Variants in SNX2 observed in about 807,000 individuals in gnomAD.
The protein encoded by SNX2 is sorting nexin 2, also known as sorting nexin-2.
Under a neutral mutation model 69.9 loss-of-function variants are expected in SNX2, and 25 were observed. The observed-to-expected ratio is 0.36, with a 90% CI of 0.26 to 0.50. The LOEUF is 0.50. Ranked by LOEUF, SNX2 falls within the 20% of genes least tolerant of loss-of-function variation. SNX2 has a pLI of 0.97. For missense variants in SNX2, 551 were observed against 613.3 expected (o/e 0.90, Z 1.07); for synonymous variants, 229 against 200.4 (o/e 1.14, Z -1.20).
At position 122,810,398 on chromosome 5, in the gene SNX2, T is replaced by TAAAAAAA. The variant is rs1561464624; in HGVS notation, c.722+2043_722+2044insAAAAAAA. Among the ~76,000 whole-genome samples the TAAAAAAA allele has an allele frequency of 2.9e-3, 171 of 58,438 alleles. 3 individuals are homozygous for TAAAAAAA. The highest frequency in any genetic ancestry group is 4.5e-3 in the African/African-American group (49 of 10,894). The allele number at this position is 58,438 out of a possible 152,430, so 38.3% of individuals were successfully genotyped here. On this transcript the variant is annotated intron_variant, in intron 7 of 14. Transcript: ENST00000379516. ...GCGAGAAACACCCAAGAATGATCAA[T>TAAAAAAA]TAAAAAAAAAAAAAAAAAAAAAAGA...
chr5:122,809,955 G>A (rs1381424744), intron 7 of SNX2, among the ~76,000 whole-genome samples: 1 of 152,122 alleles, frequency 6.6e-6, no homozygotes, highest in Non-Finnish European at 1.5e-5. Context: ...TGTAGGAGAG[G>A]TCATAGACTG....
intron 2 of SNX2, among the ~76,000 whole-genome samples, chr5:122,796,446 T>C (rs1005427181): frequency 6.6e-6 from 1 of 150,574 alleles, no homozygotes; most frequent in Non-Finnish European, 1.5e-5. Context: ...AAATTAAAAA[T>C]ATGATACCAA....
chr5:122,779,036 C>T (rs902164692), intron 1 of SNX2, among the ~76,000 whole-genome samples: 1 of 151,944 alleles, frequency 6.6e-6, no homozygotes, highest in Non-Finnish European at 1.5e-5. Context: ...ATGGTGCAAC[C>T]CTAAGCTTAA....
In SNX2 at chr5:122,811,039, CTTAAACT is replaced by C. The variant is rs138188711; in HGVS notation, c.722+2691_722+2697del. 8.4e-3 allele frequency among the ~76,000 whole-genome samples: 1,274 copies of C among 152,254 alleles called. 10 individuals carry two copies. Among genetic ancestry groups the C allele is most frequent in the East Asian group, 0.059 (306 of 5,182 alleles). On this transcript the variant is annotated intron_variant, in intron 7 of 14. Transcript: ENST00000379516. ...CTAAAGTGATTTTTCTGTGATATTT[CTTAAACT>C]TTAAACATCAAACAGGTACCATCTG...
chr5:122,817,098 T>A, intron 9 of SNX2, 70 bp downstream of exon 9: 1 of 1,261,266 alleles, frequency 7.9e-7, no homozygotes, highest in South Asian at 1.2e-5. Context: ...TTTAAAGCTG[T>A]ACAAGTGGAA....
intron 11 of SNX2, among the ~76,000 whole-genome samples, chr5:122,819,779 A>G (rs1753973502): frequency 6.6e-6 from 1 of 152,170 alleles, no homozygotes; most frequent in African/African-American, 2.4e-5. Context: ...TTAAACATCT[A>G]GAAAGTTAAT....
At position 122,831,456 on chromosome 5, in the gene SNX2, C is replaced by T. The variant is rs1455057845; in HGVS notation, c.*1808C>T. Among the ~76,000 whole-genome samples the T allele has an allele frequency of 6.6e-6, 1 of 152,076 alleles. No homozygotes were observed. Among genetic ancestry groups the T allele is most frequent in the East Asian group, 1.9e-4 (1 of 5,184 alleles). ...CCTGTGAATACCCACTAACCTACAG[C>T]CAGCCTGGACAACATAGTGAGACCC... On this transcript the variant is annotated 3_prime_UTR_variant, in exon 15 of 15. Coordinates refer to ENST00000379516, the MANE Select transcript of SNX2 (RefSeq NM_003100.4).
At chr5:122,810,003 G>A (rs1306791917) in intron 7 of SNX2, among the ~76,000 whole-genome samples, 1 of 151,876 alleles carries the variant, frequency 6.6e-6, no homozygotes, top group Non-Finnish European at 1.5e-5. Flanking sequence ...GATGGTTGCC[G>A]GGTCTGTGTG....
chr5:122,817,737 CTT>C (rs1329513509), intron 10 of SNX2, among the ~76,000 whole-genome samples: 4 of 151,950 alleles, frequency 2.6e-5, no homozygotes, highest in East Asian at 1.9e-4. Context: ...CAATTAGTAA[CTT>C]TGATTATAAT....
Position 122,802,013 on chromosome 5 carries a change from A to G in SNX2, c.458-68A>G, listed in dbSNP as rs965821. 871,636 of 1,506,326 alleles carry G rather than the reference A, an allele frequency of 0.58. 255,320 individuals are homozygous for G. The highest frequency in any genetic ancestry group is 0.73 in the Admixed American group (43,455 of 59,678). 93.3% of individuals were successfully genotyped at this position (1,506,326 alleles called of 1,614,324 possible). On this transcript the variant is annotated intron_variant, in intron 4 of 14. Coordinates refer to ENST00000379516, the MANE Select transcript of SNX2 (RefSeq NM_003100.4). ...TTGTATGGTTTTTCTTCATACATCA[A>G]TATAGTATTAAATGAGTTTTATTTT... is the stretch of plus-strand genomic sequence containing the variant.
intron 6 of SNX2, chr5:122,804,007 C>T: frequency 6.5e-6 from 1 of 153,260 alleles, no homozygotes; most frequent in Non-Finnish European, 1.5e-5. Flanking sequence ...GGCATGGTGG[C>T]ACGTGCCTGT....
At chr5:122,827,265 C>A in intron 12 of SNX2, 114 bp from the exon 13 acceptor site, 1 of 792,688 alleles carries the variant, frequency 1.3e-6, no homozygotes, top group South Asian at 1.7e-5. Flanking sequence ...TGTGCATTGC[C>A]AATATTGAGC....
chr5:122,806,142 G>GCGCGCGCACACACACACACACACA, intron 6 of SNX2, among the ~76,000 whole-genome samples: 11 of 130,584 alleles, frequency 8.4e-5, no homozygotes, highest in African/African-American at 1.7e-4. Context: ...ACACGCGCGC[G>GCGCGCGCACACACACACACACACA]CACACACACA....
intron 14 of SNX2, among the ~76,000 whole-genome samples, chr5:122,829,033 G>A (rs1339598403): frequency 6.6e-6 from 1 of 152,004 alleles, no homozygotes; most frequent in Non-Finnish European, 1.5e-5. Context: ...GCAGGGAATC[G>A]CTTGAACTGG....
At chr5:122,808,762 C>G (rs1753706553) in intron 7 of SNX2, 1 of 158,014 alleles carries the variant, frequency 6.3e-6, no homozygotes, top group South Asian at 1.8e-4. Flanking sequence ...TTTTTGGATG[C>G]AAATAATCCC....
chr5:122,795,402 T>G lies in SNX2; in HGVS notation c.226+19T>G. 1 of 1,458,084 alleles carries G rather than the reference T, an allele frequency of 6.9e-7. No individual in the cohort carries two copies. The highest frequency in any genetic ancestry group is 9.6e-7 in the Non-Finnish European group (1 of 1,043,084). 90.3% of individuals were successfully genotyped at this position (1,458,084 alleles called of 1,614,324 possible). ...TTTGCAGGTAATTGTCATGTATTTATTTTTTAATAATGGTCAATTGCAGTA... is the reference window on the plus strand; with the variant it reads ...TTTGCAGGTAATTGTCATGTATTTAGTTTTTAATAATGGTCAATTGCAGTA... On this transcript the variant is annotated intron_variant, in intron 2 of 14. Coordinates refer to ENST00000379516, the MANE Select transcript of SNX2 (RefSeq NM_003100.4).
At chr5:122,797,643 C>T (rs1037465745) in intron 2 of SNX2, among the ~76,000 whole-genome samples, 2 of 152,134 alleles carry the variant, frequency 1.3e-5, no homozygotes, top group African/African-American at 4.8e-5. Flanking sequence ...AACCTATACT[C>T]GATTTGTCCC....
intron 11 of SNX2, among the ~76,000 whole-genome samples, chr5:122,822,462 G>A (rs1754046002): frequency 6.6e-6 from 1 of 152,124 alleles, no homozygotes; most frequent in Non-Finnish European, 1.5e-5. Context: ...TCGAATAGGT[G>A]CTTAATATTA....
chr5:122,806,482 T>A (rs2150010487), intron 6 of SNX2, among the ~76,000 whole-genome samples: 1 of 152,290 alleles, frequency 6.6e-6, no homozygotes, highest in Admixed American at 6.5e-5. Flanking sequence ...CATTAGCACG[T>A]AACTCTCTAC....
Sources: gnomAD v4.1 joint callset for allele counts (sites outside exome capture counted in the v4.1 genomes callset) on GRCh38, gnomAD v4.1.1 for gene constraint, MANE v1.5 for transcripts, NCBI Gene and HGNC (gene_info 2026-07-23, HGNC 2026-07-21) for gene names.